DDAH1: variants seen among roughly 807,000 people sequenced by gnomAD.
DDAH1 encodes the protein N(G),N(G)-dimethylarginine dimethylaminohydrolase 1.
Under a neutral mutation model 28.8 loss-of-function variants are expected in DDAH1, and 19 were observed. That is an observed-to-expected ratio of 0.66 (90% CI 0.46 to 0.97). The LOEUF is 0.97. DDAH1 is among the 50% of genes least tolerant of loss of function. The pLI is 0.00. For missense variants in DDAH1, 326 were observed against 375.9 expected (o/e 0.87, Z 1.10); for synonymous variants, 153 against 154.4 (o/e 0.99, Z 0.07).
chr1:85,377,712 C>A (rs78200919), intron 1 of DDAH1, among the ~76,000 whole-genome samples: 14 of 139,950 alleles, frequency 1.0e-4, no homozygotes, highest in African/African-American at 3.7e-4. Context: ...TCCCCCTCAT[C>A]CCCCCACCCC....
chr1:85,459,273 C>G (rs965262230), intron 1 of DDAH1, among the ~76,000 whole-genome samples: 2 of 152,182 alleles, frequency 1.3e-5, no homozygotes, highest in Non-Finnish European at 2.9e-5. Context: ...GGGATCTAGC[C>G]CTGCCTTCTT....
At chr1:85,412,138 G>A (rs957682624) in intron 1 of DDAH1, among the ~76,000 whole-genome samples, 1 of 152,182 alleles carries the variant, frequency 6.6e-6, no homozygotes, top group African/African-American at 2.4e-5. Flanking sequence ...CTTAAAACAT[G>A]TGAAAGGTTT....
At position 85,464,866 on chromosome 1, in the gene DDAH1, C is replaced by T. The variant is rs1293507351; in HGVS notation, c.180G>A (p.Leu60=). The T allele has an allele frequency of 1.3e-6, 2 of 1,585,582 alleles. No homozygotes were observed. Among genetic ancestry groups the T allele is most frequent in the East Asian group, 4.7e-5 (2 of 42,844 alleles). ...CGTCGGCCGGCAGCTCCACCACCTG[C>T]AGCCCCAGCTTGCTGCCCAGCACGC... The part of the protein sequence containing the change: ...YVGVLGSKLG[L]QVVELPADES... The change falls in exon 1 of 6, where the codon CTG becomes CTA. Residue 60 remains leucine, a synonymous_variant. Transcript: ENST00000284031. The surrounding 1 kb of genome is among the most constrained non-coding windows in gnomAD (Gnocchi z 4.4).
chr1:85,567,453 C>T (rs1456397231), intron 1 of DDAH1, among the ~76,000 whole-genome samples: 2 of 152,206 alleles, frequency 1.3e-5, no homozygotes, highest in African/African-American at 4.8e-5. Flanking sequence ...CACAAGCTCT[C>T]TTTTTGCTTG....
At chr1:85,428,173 A>C (rs1259961217) in intron 1 of DDAH1, among the ~76,000 whole-genome samples, 1 of 152,180 alleles carries the variant, frequency 6.6e-6, no homozygotes, top group Admixed American at 6.6e-5. Context: ...ACTCAGAAGA[A>C]GGATATTATT....
At chr1:85,529,673 C>T (rs554391373) in intron 1 of DDAH1, among the ~76,000 whole-genome samples, 6 of 127,290 alleles carry the variant, frequency 4.7e-5, no homozygotes, top group Non-Finnish European at 1.0e-4. Flanking sequence ...TAAGTGCCTG[C>T]TGACTTCTGC....
At position 85,320,655 on chromosome 1, in the gene DDAH1, A is replaced by C. The variant is rs1278410905; in HGVS notation, c.*797T>G. ...GCTTCTTGATCTTTAATCTTTTAGCAACCTTCTGATACTGGATTTACCTTC... is the reference window on the plus strand; with the variant it reads ...GCTTCTTGATCTTTAATCTTTTAGCCACCTTCTGATACTGGATTTACCTTC... On this transcript the variant is annotated 3_prime_UTR_variant, in exon 6 of 6. Coordinates refer to ENST00000284031, the MANE Select transcript of DDAH1 (RefSeq NM_012137.4). 2 of 152,238 alleles carry C rather than the reference A, an allele frequency of 1.3e-5. No individual in the cohort carries two copies. The highest frequency in any genetic ancestry group is 2.4e-5 in the African/African-American group (1 of 41,456). The allele number at this position is 152,238 out of a possible 1,614,324, so 9.4% of individuals were successfully genotyped here.
intron 1 of DDAH1, among the ~76,000 whole-genome samples, chr1:85,500,143 TTTC>T (rs1231215849): frequency 9.5e-5 from 6 of 63,128 alleles, no homozygotes; most frequent in Non-Finnish European, 2.3e-4. Context: ...TCTTTCTTTC[TTTC>T]TTTTCTTTCT....
Position 85,318,955 on chromosome 1 carries a change from A to G in DDAH1, c.*2497T>C, listed in dbSNP as rs997719604. Reference sequence around the variant, plus strand: ...CTATATCATCCTTTAACTAAATTGAATCACATCACCCAAGTAATTCTGACT... The same window carrying G: ...CTATATCATCCTTTAACTAAATTGAGTCACATCACCCAAGTAATTCTGACT... On this transcript the variant is annotated 3_prime_UTR_variant, in exon 6 of 6. Coordinates refer to ENST00000284031, the MANE Select transcript of DDAH1 (RefSeq NM_012137.4). The G allele has an allele frequency of 6.6e-6, 1 of 152,248 alleles. No individual in the cohort carries two copies. Among genetic ancestry groups the G allele is most frequent in the Non-Finnish European group, 1.5e-5 (1 of 68,048 alleles). The allele number at this position is 152,248 out of a possible 1,614,324, so 9.4% of individuals were successfully genotyped here.
intron 1 of DDAH1, among the ~76,000 whole-genome samples, chr1:85,568,636 C>A (rs185953335): frequency 3.3e-5 from 5 of 152,254 alleles, no homozygotes; most frequent in Admixed American, 3.3e-4. Context: ...AGTGCAAAGA[C>A]ATTTAAAATA....
intron 1 of DDAH1, among the ~76,000 whole-genome samples, chr1:85,392,591 G>A (rs6576761): frequency 0.6 from 91,290 of 151,510 alleles, 27,705 homozygotes; most frequent in African/African-American, 0.65. Context: ...TCAGGAGTTC[G>A]AGACCAGTCT....
intron 4 of DDAH1, among the ~76,000 whole-genome samples, chr1:85,348,645 T>G (rs1357659127): frequency 6.6e-6 from 1 of 152,200 alleles, no homozygotes; most frequent in Non-Finnish European, 1.5e-5. Context: ...AAGACTCACA[T>G]CTAGTCTCAT....
chr1:85,495,085 T>C (rs1177328602), intron 2 of DDAH1: 4 of 151,634 alleles, frequency 2.6e-5, no homozygotes, highest in Admixed American at 2.0e-4. Flanking sequence ...TTGTATATTA[T>C]AGCCAAATAT....
intron 1 of DDAH1, among the ~76,000 whole-genome samples, chr1:85,503,458 T>TG (rs1201659773): frequency 6.6e-6 from 1 of 152,168 alleles, no homozygotes; most frequent in Non-Finnish European, 1.5e-5. Context: ...ACCTCGGGCC[T>TG]CCCAAAGTGC....
rs1013465257 is a variant in DDAH1, at chr1:85,365,749, T to C, written c.304-6902A>G. ...GTGCCCATGATTGCTGCCCCCTTGA[T>C]GTACATGTCCTGTATAAATCTCTCC... On this transcript the variant is annotated intron_variant, in intron 1 of 5. Coordinates refer to ENST00000284031, the MANE Select transcript of DDAH1 (RefSeq NM_012137.4). Among the ~76,000 whole-genome samples, 4 of 152,184 alleles carry C rather than the reference T, an allele frequency of 2.6e-5. No individual in the cohort carries two copies. The East Asian group carries it at 5.8e-4, about 22-fold the overall frequency.
At chr1:85,479,430 C>A (rs1385233831) in intron 2 of DDAH1, among the ~76,000 whole-genome samples, 1 of 152,090 alleles carries the variant, frequency 6.6e-6, no homozygotes, top group South Asian at 2.1e-4. Context: ...GCCTCGGCCT[C>A]CCAAAGTGCT....
chr1:85,395,784 G>T lies in DDAH1; in HGVS notation c.304-36937C>A, dbSNP rs145677182. On this transcript the variant is annotated intron_variant, in intron 1 of 5. Coordinates refer to ENST00000284031, the MANE Select transcript of DDAH1 (RefSeq NM_012137.4). ...ATGAATCTTATGAAAGGAATTTTGA[G>T]TGTGATCAAGTTGGCTAAAATTAAA... 3.3e-3 allele frequency among the ~76,000 whole-genome samples: 510 copies of T among 152,244 alleles called. 2 individuals carry two copies. Among genetic ancestry groups the T allele is most frequent in the African/African-American group, 0.012 (489 of 41,562 alleles).
chr1:85,460,792 G>C (rs1434040092), intron 1 of DDAH1, among the ~76,000 whole-genome samples: 1 of 152,154 alleles, frequency 6.6e-6, no homozygotes, highest in Non-Finnish European at 1.5e-5. Flanking sequence ...GCGTAGAAGG[G>C]CAACACCCAC....
chr1:85,446,930 C>T (rs1441540230), intron 1 of DDAH1, among the ~76,000 whole-genome samples: 2 of 152,222 alleles, frequency 1.3e-5, no homozygotes, highest in Non-Finnish European at 1.5e-5. Context: ...ATAGGAGAGA[C>T]GTGTGTCTCA....
Sources: gnomAD v4.1 joint callset for allele counts (sites outside exome capture counted in the v4.1 genomes callset) on GRCh38, gnomAD v4.1.1 for gene constraint, Gnocchi (gnomAD v3.1) non-coding constraint, MANE v1.5 for transcripts, NCBI Gene and HGNC (gene_info 2026-07-23, HGNC 2026-07-21) for gene names.